Variants in FAT3 observed in about 807,000 individuals in gnomAD.
FAT3 encodes protocadherin Fat 3.
Under a neutral mutation model 310.2 loss-of-function variants are expected in FAT3, and 95 were observed. The observed-to-expected ratio is 0.31, with a 90% CI of 0.26 to 0.36. FAT3 has a LOEUF of 0.36. Ranked by LOEUF, FAT3 falls within the 10% of genes least tolerant of loss-of-function variation. The pLI is 1.00. For synonymous variants in FAT3, 2,314 were observed against 2,192.9 expected, an observed-to-expected ratio of 1.06 and a Z score of -1.54; for missense variants, 5,408 against 5,715.6, an observed-to-expected ratio of 0.95 and a Z score of 1.74.
rs1949976282 is a variant in FAT3, at chr11:92,894,258, T to C, written c.*3145T>C. On this transcript the variant is annotated 3_prime_UTR_variant, in exon 28 of 28. Transcript: ENST00000525166. ...AAATGCTGCTTTTGCCAAATGAATG[T>C]TTGTATAATAGGGATGAAATGATAA... 6.6e-6 allele frequency: 1 copy of C among 152,212 alleles called. No individual in the cohort carries two copies. Among genetic ancestry groups the C allele is most frequent in the Non-Finnish European group, 1.5e-5 (1 of 68,040 alleles). 9.4% of individuals were successfully genotyped at this position (152,212 alleles called of 1,614,324 possible).
At chr11:92,741,578 T>C (rs958799360) in intron 4 of FAT3, among the ~76,000 whole-genome samples, 5 of 152,218 alleles carry the variant, frequency 3.3e-5, no homozygotes, top group South Asian at 4.1e-4. Flanking sequence ...TTCCTAAATA[T>C]TAGTTATTAA....
At chr11:92,725,554 A>G (rs1944974115) in intron 4 of FAT3, among the ~76,000 whole-genome samples, 1 of 152,220 alleles carries the variant, frequency 6.6e-6, no homozygotes, top group Admixed American at 6.5e-5. Context: ...AGAAGAAAAA[A>G]AAGAAAAAAA....
At chr11:92,802,603 G>A (rs1354396219) in intron 10 of FAT3, among the ~76,000 whole-genome samples, 1 of 152,154 alleles carries the variant, frequency 6.6e-6, no homozygotes, top group Non-Finnish European at 1.5e-5. Flanking sequence ...TTCCTGGGGG[G>A]CAGGCGACCT....
At chr11:92,728,986 A>G (rs1157189350) in intron 4 of FAT3, among the ~76,000 whole-genome samples, 1 of 152,122 alleles carries the variant, frequency 6.6e-6, no homozygotes, top group Non-Finnish European at 1.5e-5. Flanking sequence ...GGTTCTAGAG[A>G]TTAGGATTTG....
chr11:92,798,380 G>A lies in FAT3; in HGVS notation c.5367G>A (p.Arg1789=), dbSNP rs766110731. The change falls in exon 10 of 28, where the codon AGG becomes AGA. Residue 1789 remains arginine (R), a synonymous_variant. Transcript: ENST00000525166. ...SEAAPINSIV[R]SLDNSPLVIR... ...CTGCCCCAATTAATAGCATTGTCAG[G>A]AGCTTGGATAACAGCCCACTGGTGA... 118 of 1,613,152 alleles carry A rather than the reference G, an allele frequency of 7.3e-5. No homozygotes were observed. Among genetic ancestry groups the A allele is most frequent in the Non-Finnish European group, 8.6e-5 (101 of 1,179,736 alleles).
At chr11:92,884,204 C>G (rs1284325955) in intron 24 of FAT3, among the ~76,000 whole-genome samples, 1 of 152,162 alleles carries the variant, frequency 6.6e-6, no homozygotes, top group Non-Finnish European at 1.5e-5. Context: ...TTGGAGCTTG[C>G]TGAGCACCAG....
chr11:92,887,170 A>C, intron 25 of FAT3, 57 bp downstream of exon 25: 1 of 1,467,476 alleles, frequency 6.8e-7, no homozygotes, highest in Non-Finnish European at 9.4e-7. Flanking sequence ...GTTCTGGAAG[A>C]CCATGGTTGG....
intron 4 of FAT3, among the ~76,000 whole-genome samples, chr11:92,698,543 T>C (rs1472657223): frequency 1.3e-5 from 2 of 152,182 alleles, no homozygotes; most frequent in African/African-American, 2.4e-5. Flanking sequence ...CCTTCTGTTT[T>C]GTATCAACGT....
rs575883702 is a variant in FAT3 at position 92,413,220 on chromosome 11, C to T, written c.3292+57816C>T. ...TTTTAATGTCAACAAAGGAACCCTT[C>T]TGTGTTTGAAAACATGTTTGTTGAA... On this transcript the variant is annotated intron_variant, in intron 2 of 27. Transcript: ENST00000525166. 2.6e-5 allele frequency among the ~76,000 whole-genome samples: 4 copies of T among 152,214 alleles called. No individual in the cohort carries two copies. The South Asian group carries it at 8.3e-4, about 32-fold the overall frequency.
chr11:92,726,586 G>C (rs1945007288), intron 4 of FAT3, among the ~76,000 whole-genome samples: 1 of 152,068 alleles, frequency 6.6e-6, no homozygotes, highest in Admixed American at 6.6e-5. Flanking sequence ...TGCTTGAAAT[G>C]ACCCCTTCAC....
intron 3 of FAT3, among the ~76,000 whole-genome samples, chr11:92,691,545 G>T (rs1473437623): frequency 6.6e-6 from 1 of 151,996 alleles, no homozygotes; most frequent in Non-Finnish European, 1.5e-5. Context: ...ATAGGTGCCT[G>T]TCTAATTATT....
In FAT3 at chr11:92,859,166, G is replaced by T; in HGVS notation, c.11502G>T (p.Gly3834=). ...GTCTTCTCATAACGGTCTTTTCAGGGCACACTTCTCTCAGCTTTGCTGGAA... is the reference window on the plus strand; with the variant it reads ...GTCTTCTCATAACGGTCTTTTCAGGTCACACTTCTCTCAGCTTTGCTGGAA... The part of the protein sequence containing the change: ...CPPGKLGECS[G]HTSLSFAGNS... The change falls in exon 21 of 28, where the codon GGG becomes GGT. Residue 3834 remains glycine (G), a splice_region_variant and synonymous_variant. Transcript: ENST00000525166. The T allele has an allele frequency of 6.2e-7, 1 of 1,612,872 alleles. No homozygotes were observed. Among genetic ancestry groups the T allele is most frequent in the Non-Finnish European group, 8.5e-7 (1 of 1,179,508 alleles).
intron 4 of FAT3, among the ~76,000 whole-genome samples, chr11:92,714,996 A>G (rs1944634653): frequency 6.6e-6 from 1 of 151,960 alleles, no homozygotes. Context: ...CCAGTAGTTT[A>G]TGGGGTATGG....
chr11:92,587,144 T>G (rs1939197178), intron 3 of FAT3, among the ~76,000 whole-genome samples: 1 of 152,032 alleles, frequency 6.6e-6, no homozygotes, highest in Admixed American at 6.6e-5. Context: ...AATTTTATAT[T>G]AAATTGTGTG....
intron 4 of FAT3, among the ~76,000 whole-genome samples, chr11:92,756,869 C>T (rs1946004360): frequency 6.6e-6 from 1 of 150,626 alleles, no homozygotes; most frequent in Admixed American, 6.6e-5. Context: ...TGTCCTGCCT[C>T]CTGGCTCTGC....
At chr11:92,684,580 C>A (rs1228572933) in intron 3 of FAT3, among the ~76,000 whole-genome samples, 1 of 152,146 alleles carries the variant, frequency 6.6e-6, no homozygotes, top group African/African-American at 2.4e-5. Flanking sequence ...TACAGTATAC[C>A]AGTTCAGGGC....
chr11:92,315,333 G>A (rs116482807), intron 1 of FAT3, among the ~76,000 whole-genome samples: 1,675 of 126,176 alleles, frequency 0.013, 37 homozygotes, highest in African/African-American at 0.072. Flanking sequence ...CTGAAACCAT[G>A]AAAATTACAA....
chr11:92,356,855 A>T (rs1333985961), intron 2 of FAT3, among the ~76,000 whole-genome samples: 1 of 152,186 alleles, frequency 6.6e-6, no homozygotes, highest in Non-Finnish European at 1.5e-5. Context: ...AGAAAAAATG[A>T]TTTAAGAAAC....
intron 2 of FAT3, among the ~76,000 whole-genome samples, chr11:92,442,465 T>A (rs919078245): frequency 6.6e-6 from 1 of 151,640 alleles, no homozygotes; most frequent in Non-Finnish European, 1.5e-5. Flanking sequence ...ATAAAAATAA[T>A]AAGTATATAA....
Sources: gnomAD v4.1 joint callset for allele counts (sites outside exome capture counted in the v4.1 genomes callset) on GRCh38, gnomAD v4.1.1 for gene constraint, MANE v1.5 for transcripts, NCBI Gene and HGNC (gene_info 2026-07-23, HGNC 2026-07-21) for gene names.